Variants in ZFAND3 observed in about 807,000 individuals in gnomAD.
ZFAND3 encodes AN1-type zinc finger protein 3.
A neutral mutation model predicts 29.6 loss-of-function variants in ZFAND3; 10 were observed. The observed-to-expected ratio is 0.34, with a 90% CI of 0.21 to 0.57. The LOEUF (loss-of-function observed/expected upper bound fraction) is 0.57. ZFAND3 is among the 20% of genes least tolerant of loss of function. ZFAND3 has a pLI of 0.86. For missense variants in ZFAND3, 230 were observed against 304.5 expected (o/e 0.76, Z 1.82); for synonymous variants, 128 against 112.6 (o/e 1.14, Z -0.87).
chr6:38,065,571 G>A (rs1404022068), intron 3 of ZFAND3, among the ~76,000 whole-genome samples: 1 of 152,148 alleles, frequency 6.6e-6, no homozygotes, highest in Non-Finnish European at 1.5e-5. Flanking sequence ...TTTCAATATA[G>A]CCTATTAGGG....
chr6:38,042,735 A>G (rs1477677122), intron 2 of ZFAND3, among the ~76,000 whole-genome samples: 1 of 152,226 alleles, frequency 6.6e-6, no homozygotes, highest in Admixed American at 6.5e-5. Flanking sequence ...ATTCAGGACT[A>G]ATAGTTCACA....
At chr6:38,121,874 T>C (rs1765541322) in intron 5 of ZFAND3, among the ~76,000 whole-genome samples, 1 of 152,214 alleles carries the variant, frequency 6.6e-6, no homozygotes, top group African/African-American at 2.4e-5. Flanking sequence ...GAAAACACTT[T>C]AAGACCAAGT....
chr6:38,079,234 A>T (rs1055538026), intron 3 of ZFAND3, among the ~76,000 whole-genome samples: 3 of 152,182 alleles, frequency 2.0e-5, no homozygotes, highest in Non-Finnish European at 4.4e-5. Flanking sequence ...TTGCCCAATT[A>T]TCAAAGCTGG....
intron 1 of ZFAND3, among the ~76,000 whole-genome samples, chr6:37,920,035 C>A (rs1581761918): frequency 6.8e-6 from 1 of 147,634 alleles, no homozygotes; most frequent in Non-Finnish European, 1.5e-5. Context: ...TTTCTCACTT[C>A]CAGGTTTTTT....
intron 2 of ZFAND3, among the ~76,000 whole-genome samples, chr6:38,056,250 T>A (rs1407956769): frequency 6.6e-6 from 1 of 152,206 alleles, no homozygotes; most frequent in Non-Finnish European, 1.5e-5. Context: ...TCATTAGTGA[T>A]CACCCATTTA....
chr6:38,090,349 A>G (rs1764840083), intron 4 of ZFAND3, among the ~76,000 whole-genome samples: 1 of 152,188 alleles, frequency 6.6e-6, no homozygotes. Flanking sequence ...TTCATTTTTT[A>G]TTAGTGTTTA....
intron 5 of ZFAND3, among the ~76,000 whole-genome samples, chr6:38,122,564 G>A (rs1194956692): frequency 6.6e-6 from 1 of 152,116 alleles, no homozygotes; most frequent in African/African-American, 2.4e-5. Context: ...TTCTTCAGTG[G>A]TGGGGGGAGG....
At chr6:37,937,498 T>C (rs1489470262) in intron 2 of ZFAND3, among the ~76,000 whole-genome samples, 2 of 151,644 alleles carry the variant, frequency 1.3e-5, no homozygotes, top group Non-Finnish European at 2.9e-5. Context: ...CTACTAAAAA[T>C]ACAAAAATTA....
chr6:38,085,454 A>G (rs1470473382), intron 4 of ZFAND3, among the ~76,000 whole-genome samples: 1 of 152,200 alleles, frequency 6.6e-6, no homozygotes, highest in African/African-American at 2.4e-5. Context: ...TGGTTCTTTA[A>G]GTCAGCCGTC....
chr6:37,926,155 AAGAAG>A (rs1761479920), intron 1 of ZFAND3, among the ~76,000 whole-genome samples: 1 of 152,192 alleles, frequency 6.6e-6, no homozygotes, highest in Admixed American at 6.5e-5. Flanking sequence ...GTGTTCCGGA[AAGAAG>A]GATGGATCTA....
intron 2 of ZFAND3, among the ~76,000 whole-genome samples, chr6:37,957,311 AT>A (rs954504558): frequency 7.7e-4 from 111 of 143,836 alleles, no homozygotes; most frequent in Admixed American, 1.0e-3. Flanking sequence ...TTTGGCATCA[AT>A]TTTTTTTTTT....
At chr6:37,975,269 A>G (rs1390317968) in intron 2 of ZFAND3, among the ~76,000 whole-genome samples, 1 of 152,120 alleles carries the variant, frequency 6.6e-6, no homozygotes, top group East Asian at 1.9e-4. Flanking sequence ...ATTGCCATCC[A>G]TGTATCTTCT....
At chr6:37,936,570 C>CT (rs2127415291) in intron 2 of ZFAND3, among the ~76,000 whole-genome samples, 1 of 152,118 alleles carries the variant, frequency 6.6e-6, no homozygotes, top group African/African-American at 2.4e-5. Flanking sequence ...TCATTTAAGA[C>CT]TAACTTTTAA....
rs954855434 is a variant in ZFAND3, at chr6:37,846,553, C to T, written c.71+26537C>T. Among the ~76,000 whole-genome samples the T allele has an allele frequency of 2.6e-5, 4 of 152,128 alleles. No individual in the cohort carries two copies. The South Asian group carries it at 8.3e-4, about 32-fold the overall frequency. ...ACCCTTTCACATAAGTTGAATTGCACGCTTTGACTACTCTTGGACGTTGCA... is the reference window on the plus strand; with the variant it reads ...ACCCTTTCACATAAGTTGAATTGCATGCTTTGACTACTCTTGGACGTTGCA... On this transcript the variant is annotated intron_variant, in intron 1 of 5. Coordinates refer to ENST00000287218, the MANE Select transcript of ZFAND3 (RefSeq NM_021943.3).
chr6:38,073,431 T>C (rs923253813), intron 3 of ZFAND3, among the ~76,000 whole-genome samples: 1 of 152,020 alleles, frequency 6.6e-6, no homozygotes, highest in African/African-American at 2.4e-5. Context: ...ATGCAAATGA[T>C]GCAAATCTAG....
intron 5 of ZFAND3, among the ~76,000 whole-genome samples, chr6:38,144,921 T>C (rs575456262): frequency 5.3e-5 from 8 of 152,240 alleles, no homozygotes; most frequent in Non-Finnish European, 1.0e-4. Flanking sequence ...CTGGCACCGA[T>C]TGAATCAAAA....
chr6:38,141,115 T>G (rs1765945635), intron 5 of ZFAND3, among the ~76,000 whole-genome samples: 1 of 152,154 alleles, frequency 6.6e-6, no homozygotes, highest in Non-Finnish European at 1.5e-5. Context: ...AATGACCTTT[T>G]TGAGTTATCG....
intron 1 of ZFAND3, among the ~76,000 whole-genome samples, chr6:37,856,929 A>G (rs920983631): frequency 6.7e-6 from 1 of 148,818 alleles, no homozygotes; most frequent in African/African-American, 2.4e-5. Context: ...GATTAATATT[A>G]TTTATTGTTT....
Position 38,154,333 on chromosome 6 carries a change from C to CT in ZFAND3, c.*1945dup, listed in dbSNP as rs1209879463. The CT allele has an allele frequency of 1.0e-6, 1 of 980,680 alleles. No homozygotes were observed. The highest frequency in any genetic ancestry group is 6.2e-5 in the Admixed American group (1 of 16,002). 60.7% of individuals were successfully genotyped at this position (980,680 alleles called of 1,614,324 possible). On this transcript the variant is annotated 3_prime_UTR_variant, in exon 6 of 6. Transcript: ENST00000287218. ...TGGGAAGGAGCCCAGGGGAGCTGGCCTGGGGGAGCGAAGCCCATGTTCGCT... is the reference window on the plus strand; with the variant it reads ...TGGGAAGGAGCCCAGGGGAGCTGGCCTTGGGGGAGCGAAGCCCATGTTCGCT...
Sources: gnomAD v4.1 joint callset for allele counts (sites outside exome capture counted in the v4.1 genomes callset) on GRCh38, gnomAD v4.1.1 for gene constraint, MANE v1.5 for transcripts, NCBI Gene and HGNC (gene_info 2026-07-23, HGNC 2026-07-21) for gene names.